The following ERCC8 variants were observed in gnomAD, a reference collection of about 807,000 sequenced individuals.
ERCC8 encodes the protein DNA excision repair protein ERCC-8.
In ERCC8, 52 loss-of-function variants were observed where a neutral mutation model predicts 54.9. That is an observed-to-expected ratio of 0.95 (90% CI 0.76 to 1.19). The LOEUF (loss-of-function observed/expected upper bound fraction) is 1.19. Ranked by LOEUF, ERCC8 falls within the 50% of genes most tolerant of loss-of-function variation. The pLI, the probability that ERCC8 is intolerant of heterozygous loss-of-function variation, is 0.00. For synonymous variants in ERCC8, 146 were observed against 157.2 expected (o/e 0.93, Z 0.53); for missense variants, 514 against 466.1 (o/e 1.10, Z -0.95).
intron 11 of ERCC8, among the ~76,000 whole-genome samples, chr5:60,882,719 C>T (rs879299222): frequency 6.6e-6 from 1 of 152,106 alleles, no homozygotes; most frequent in Non-Finnish European, 1.5e-5. Context: ...GGTAACTACT[C>T]ACTGATTTCT....
At chr5:60,908,494 A>G (rs1273301025) in intron 4 of ERCC8, among the ~76,000 whole-genome samples, 3 of 151,466 alleles carry the variant, frequency 2.0e-5, no homozygotes, top group Non-Finnish European at 4.4e-5. Flanking sequence ...CCATCTTACT[A>G]AATAACAAAA....
intron 11 of ERCC8, among the ~76,000 whole-genome samples, chr5:60,879,410 T>C (rs532267228): frequency 1.3e-3 from 194 of 152,292 alleles, no homozygotes; most frequent in Non-Finnish European, 2.2e-3. Context: ...CTGAGTTCAA[T>C]TCCTGGATAT....
At chr5:60,877,366 C>T (rs1748046151) in intron 11 of ERCC8, among the ~76,000 whole-genome samples, 1 of 152,144 alleles carries the variant, frequency 6.6e-6, no homozygotes, top group South Asian at 2.1e-4. Context: ...AATGCGGGCT[C>T]TTTTTTGGTT....
chr5:60,919,566 A>G lies in ERCC8; in HGVS notation c.276-1178T>C, dbSNP rs115720669. 188 of 152,168 alleles carry G rather than the reference A, an allele frequency of 1.2e-3. 1 individual carries two copies. Among genetic ancestry groups the G allele is most frequent in the African/African-American group, 4.4e-3 (184 of 41,540 alleles). The allele number at this position is 152,168 out of a possible 1,614,324, so 9.4% of individuals were successfully genotyped here. A position where few individuals can be genotyped will look rare whatever the true frequency, so the allele number is the denominator to read the frequency against. ...ACAGCTGCAAAAATACAAGAACTAT[A>G]GTGCCTACTCATATTTCCTTTTTTT... On this transcript the variant is annotated intron_variant, in intron 3 of 11. Coordinates refer to ENST00000676185, the MANE Select transcript of ERCC8 (RefSeq NM_000082.4).
Position 60,873,294 on chromosome 5 carries a change from GA to G in ERCC8, c.*1320del, listed in dbSNP as rs200792559. Reference sequence around the variant, plus strand: ...TACATACAATTTTATCTGCCAATTGGAAAAAAAAATCAATTGTAAAAGCAAG... The same window carrying G: ...TACATACAATTTTATCTGCCAATTGGAAAAAAAATCAATTGTAAAAGCAAG... On this transcript the variant is annotated 3_prime_UTR_variant, in exon 12 of 12. Transcript: ENST00000676185. 1.2e-4 allele frequency among the ~76,000 whole-genome samples: 18 copies of G among 151,252 alleles called. No homozygotes were observed. Among genetic ancestry groups the G allele is most frequent in the East Asian group, 3.9e-4 (2 of 5,154 alleles).
Position 60,869,146 on chromosome 5 carries a change from C to T in ERCC8, c.*5469G>A, listed in dbSNP as rs1186406427. On this transcript the variant is annotated 3_prime_UTR_variant, in exon 12 of 12. Coordinates refer to ENST00000676185, the MANE Select transcript of ERCC8 (RefSeq NM_000082.4). ...ATAAAAATTATAGAATTCACAGAAA[C>T]GTCTTTAGCTTCTCTAGTCTTCAGT... is the stretch of plus-strand genomic sequence containing the variant. 1.3e-5 allele frequency among the ~76,000 whole-genome samples: 2 copies of T among 152,082 alleles called. No homozygotes were observed. The highest frequency in any genetic ancestry group is 2.1e-4 in the South Asian group (1 of 4,824).
chr5:60,891,586 C>T (rs1251156134), intron 9 of ERCC8, among the ~76,000 whole-genome samples: 1 of 150,430 alleles, frequency 6.6e-6, no homozygotes, highest in African/African-American at 2.5e-5. Flanking sequence ...GGGCTAATAC[C>T]CCCCAAAAAC....
intron 1 of ERCC8, among the ~76,000 whole-genome samples, chr5:60,933,976 A>G (rs1313603232): frequency 6.6e-6 from 1 of 151,462 alleles, no homozygotes; most frequent in Non-Finnish European, 1.5e-5. Context: ...TTCTTTATCC[A>G]CTTGTTGATT....
At chr5:60,930,249 G>C (rs1325361560) in intron 1 of ERCC8, among the ~76,000 whole-genome samples, 3 of 152,042 alleles carry the variant, frequency 2.0e-5, no homozygotes, top group Non-Finnish European at 4.4e-5. Flanking sequence ...GGCCAACATG[G>C]CTAAACCCTG....
intron 4 of ERCC8, among the ~76,000 whole-genome samples, chr5:60,905,082 T>A (rs1028435505): frequency 6.6e-6 from 1 of 152,004 alleles, no homozygotes; most frequent in Non-Finnish European, 1.5e-5. Flanking sequence ...TGAAAAAAAA[T>A]ATGTTTTCCC....
At chr5:60,904,075 G>A (rs1160897508) in intron 5 of ERCC8, among the ~76,000 whole-genome samples, 1 of 151,938 alleles carries the variant, frequency 6.6e-6, no homozygotes, top group Non-Finnish European at 1.5e-5. Flanking sequence ...AATTTGTATT[G>A]GTAAATGTGT....
rs1747938293 is a variant in ERCC8 at position 60,874,509 on chromosome 5, C to T, written c.*106G>A. The T allele has an allele frequency of 7.7e-6, 7 of 912,208 alleles. No homozygotes were observed. The highest frequency in any genetic ancestry group is 1.5e-5 in the South Asian group (1 of 65,436). The allele number at this position is 912,208 out of a possible 1,614,324, so 56.5% of individuals were successfully genotyped here. On this transcript the variant is annotated 3_prime_UTR_variant, in exon 12 of 12. Transcript: ENST00000676185. ...TTAAAACATGAGGAAAAATATTACC[C>T]ACATTTAGGGCTAATTTAGCTGTCA...
At chr5:60,904,628 G>GTATATATATATA (rs1362263921) in intron 5 of ERCC8, among the ~76,000 whole-genome samples, 164 bp downstream of exon 5, 5 of 67,796 alleles carry the variant, frequency 7.4e-5, no homozygotes, top group East Asian at 4.8e-4. Context: ...TATAGTGTGT[G>GTATATATATATA]TGTGTGTATA....
chr5:60,890,855 A>C (rs762521037), intron 10 of ERCC8, 34 bp downstream of exon 10: 4 of 1,504,534 alleles, frequency 2.7e-6, no homozygotes, highest in Admixed American at 3.3e-5. Context: ...CAAGCTAGCT[A>C]GCTGAACATT....
chr5:60,933,060 T>A (rs1239942408), intron 1 of ERCC8, among the ~76,000 whole-genome samples: 2 of 152,204 alleles, frequency 1.3e-5, no homozygotes, highest in East Asian at 3.8e-4. Context: ...TTAAATATTT[T>A]ATCAGTCTCT....
Position 60,940,520 on chromosome 5 carries a change from G to A in ERCC8, c.77+4412C>T, listed in dbSNP as rs1460403661. Among the ~76,000 whole-genome samples, 18 of 152,290 alleles carry A rather than the reference G, an allele frequency of 1.2e-4. 1 individual carries two copies. The East Asian group carries it at 2.9e-3, about 24-fold the overall frequency. On this transcript the variant is annotated intron_variant, in intron 1 of 11. Transcript: ENST00000676185. Reference sequence around the variant, plus strand: ...AAAACAGGGAGTCCCAGAGAACTGGGAAGCATCCAGGAGATCACAGAGAAG... The same window carrying A: ...AAAACAGGGAGTCCCAGAGAACTGGAAAGCATCCAGGAGATCACAGAGAAG...
At chr5:60,898,192 G>A (rs1011439192) in intron 9 of ERCC8, 84 bp downstream of exon 9, 5 of 1,400,374 alleles carry the variant, frequency 3.6e-6, no homozygotes, top group African/African-American at 1.4e-5. Context: ...GGGAATAAAT[G>A]AGTTAAATAT....
chr5:60,918,535 C>T (rs892544166), intron 3 of ERCC8, 147 bp from the exon 4 acceptor site: 13 of 682,336 alleles, frequency 1.9e-5, no homozygotes, highest in African/African-American at 1.1e-4. Context: ...GTGTAGAAGG[C>T]GAGAAAGAAT....
chr5:60,885,018 T>C (rs1748354390), intron 11 of ERCC8, among the ~76,000 whole-genome samples: 1 of 152,098 alleles, frequency 6.6e-6, no homozygotes, highest in Non-Finnish European at 1.5e-5. Context: ...TATTATCTTT[T>C]TTTTTTTCCT....
Sources: gnomAD v4.1 joint callset for allele counts (sites outside exome capture counted in the v4.1 genomes callset) on GRCh38, gnomAD v4.1.1 for gene constraint, MANE v1.5 for transcripts, NCBI Gene and HGNC (gene_info 2026-07-23, HGNC 2026-07-21) for gene names.